Variants in NPEPPS observed in about 807,000 individuals in gnomAD.
The protein encoded by NPEPPS is puromycin-sensitive aminopeptidase.
Under a neutral mutation model 115.5 loss-of-function variants are expected in NPEPPS, and 14 were observed. The observed-to-expected ratio is 0.12, with a 90% CI of 0.08 to 0.19. NPEPPS has a LOEUF of 0.19. Among genes scored for constraint, NPEPPS ranks in the 10% least tolerant of loss-of-function variants. NPEPPS has a pLI of 1.00. For missense variants in NPEPPS, 523 were observed against 1,110.8 expected, an observed-to-expected ratio of 0.47 and a Z score of 7.52; for synonymous variants, 285 against 390.6, an observed-to-expected ratio of 0.73 and a Z score of 3.19.
intron 2 of NPEPPS, among the ~76,000 whole-genome samples, chr17:47,553,739 T>C (rs916869217): frequency 2.6e-5 from 4 of 151,926 alleles, no homozygotes; most frequent in African/African-American, 4.8e-5. Flanking sequence ...GTTACATGAA[T>C]GTTGTGTGCG....
chr17:47,598,347 G>A (rs1044272684), intron 13 of NPEPPS, among the ~76,000 whole-genome samples: 1 of 152,140 alleles, frequency 6.6e-6, no homozygotes, highest in Non-Finnish European at 1.5e-5. Flanking sequence ...GGTGGCACGT[G>A]CCTATAGTCC....
At chr17:47,539,512 CTG>C (rs1226524827) in intron 1 of NPEPPS, among the ~76,000 whole-genome samples, 1 of 126,754 alleles carries the variant, frequency 7.9e-6, no homozygotes, top group Non-Finnish European at 1.7e-5. Context: ...TTTCATCAGA[CTG>C]TGCATGCTTT....
chr17:47,541,515 T>C (rs1908764015), intron 1 of NPEPPS, among the ~76,000 whole-genome samples: 1 of 152,142 alleles, frequency 6.6e-6, no homozygotes, highest in Admixed American at 6.6e-5. Flanking sequence ...TAGCTGGGAT[T>C]ACAGGCGCCT....
chr17:47,568,468 G>A (rs1910977217), intron 2 of NPEPPS, among the ~76,000 whole-genome samples: 2 of 152,066 alleles, frequency 1.3e-5, no homozygotes, highest in South Asian at 4.1e-4. Flanking sequence ...ACCGTGTCCG[G>A]CCTGATTGGC....
chr17:47,577,997 G>C (rs1911627178), intron 3 of NPEPPS, among the ~76,000 whole-genome samples: 1 of 152,148 alleles, frequency 6.6e-6, no homozygotes, highest in South Asian at 2.1e-4. Context: ...CTTGAGGCCA[G>C]GAGTTTAAGA....
intron 1 of NPEPPS, among the ~76,000 whole-genome samples, chr17:47,532,114 G>T (rs913764562): frequency 6.6e-6 from 1 of 152,074 alleles, no homozygotes. Context: ...GAACGAGAAT[G>T]TTAATCCCAG....
intron 2 of NPEPPS, among the ~76,000 whole-genome samples, chr17:47,555,981 CT>C (rs886460288): frequency 0.045 from 2,863 of 63,030 alleles, 63 homozygotes; most frequent in African/African-American, 0.12. Context: ...TTCTGTTTTA[CT>C]TTTTTTTTTT....
chr17:47,565,634 A>G (rs1161618194), intron 2 of NPEPPS, among the ~76,000 whole-genome samples: 2 of 151,832 alleles, frequency 1.3e-5, no homozygotes, highest in African/African-American at 2.4e-5. Context: ...AGCCTGGGCA[A>G]CATGGTGAAA....
chr17:47,542,852 C>G (rs913197739), intron 1 of NPEPPS, among the ~76,000 whole-genome samples: 5 of 152,034 alleles, frequency 3.3e-5, no homozygotes, highest in Admixed American at 3.3e-4. Context: ...GAAAAATGCA[C>G]AAGAGGCCAG....
chr17:47,569,526 A>T, intron 3 of NPEPPS, 32 bp downstream of exon 3: 1 of 985,056 alleles, frequency 1.0e-6, no homozygotes, highest in South Asian at 1.4e-5. Flanking sequence ...AAATCTCGTG[A>T]TGAATATAGT....
rs770523437 is a variant in NPEPPS at position 47,619,070 on chromosome 17, A to T, written c.2465A>T (p.His822Leu). 6.2e-7 allele frequency: 1 copy of T among 1,613,980 alleles called. No homozygotes were observed. The highest frequency in any genetic ancestry group is 1.3e-5 in the African/African-American group (1 of 75,044). ...GGTGGAGTAGCTGGAGGCAGCAAGC[A>T]TGGTAGGAAAGCTGCTTGGAAATTC... ...VIGGVAGGSK[H>L]GRKAAWKFIK... Residue 822 changes from histidine (H) to leucine (L), a missense_variant, in exon 21 of 23, where the codon CAT becomes CTT. This residue lies in a region of NPEPPS where 372 missense variants were observed against 542.6 expected (regional missense o/e 0.69). Transcript: ENST00000322157.
intron 19 of NPEPPS, among the ~76,000 whole-genome samples, chr17:47,617,028 T>G (rs1327528816): frequency 6.6e-6 from 1 of 152,132 alleles, no homozygotes; most frequent in Non-Finnish European, 1.5e-5. Flanking sequence ...TTTTAAGAAT[T>G]ACAACATTTT....
At chr17:47,539,489 C>T (rs1215655693) in intron 1 of NPEPPS, among the ~76,000 whole-genome samples, 3 of 150,780 alleles carry the variant, frequency 2.0e-5, no homozygotes, top group South Asian at 2.1e-4. Context: ...CAGATGTTAA[C>T]GTTTTGCCCC....
chr17:47,561,138 T>C (rs1910396859), intron 2 of NPEPPS, among the ~76,000 whole-genome samples: 1 of 152,188 alleles, frequency 6.6e-6, no homozygotes, highest in South Asian at 2.1e-4. Flanking sequence ...TCAATCTTTT[T>C]TTAATGTGGC....
At chr17:47,538,721 G>T (rs1908527057) in intron 1 of NPEPPS, among the ~76,000 whole-genome samples, 1 of 150,864 alleles carries the variant, frequency 6.6e-6, no homozygotes, top group Non-Finnish European at 1.5e-5. Context: ...GTAGAGAAGG[G>T]GTTTCACCAT....
Position 47,612,696 on chromosome 17 carries a change from C to T in NPEPPS, c.2238+94C>T, listed in dbSNP as rs543547412. 914 of 1,260,944 alleles carry T rather than the reference C, an allele frequency of 7.2e-4. 1 individual carries two copies. The highest frequency in any genetic ancestry group is 9.0e-4 in the Non-Finnish European group (824 of 913,320). 78.1% of individuals were successfully genotyped at this position (1,260,944 alleles called of 1,614,324 possible). A position where few individuals can be genotyped will look rare whatever the true frequency, so the allele number is the denominator to read the frequency against. On this transcript the variant is annotated intron_variant, in intron 18 of 22. Transcript: ENST00000322157. ...TTTTTTTTTTTGAGACAGAGTCTTGCTCTGTCGCCCAGGCTGGAGTGCAGT... is the reference window on the plus strand; with the variant it reads ...TTTTTTTTTTTGAGACAGAGTCTTGTTCTGTCGCCCAGGCTGGAGTGCAGT...
chr17:47,564,822 G>T (rs1353730388), intron 2 of NPEPPS, among the ~76,000 whole-genome samples: 1 of 151,808 alleles, frequency 6.6e-6, no homozygotes, highest in Non-Finnish European at 1.5e-5. Flanking sequence ...CTTCTAAGAG[G>T]TTTGAGATAG....
Position 47,544,711 on chromosome 17 carries a change from CT to C in NPEPPS, c.256-1178del, listed in dbSNP as rs938067387. Among the ~76,000 whole-genome samples, 985 of 114,214 alleles carry C rather than the reference CT, an allele frequency of 8.6e-3. 5 individuals are homozygous for C. Among genetic ancestry groups the C allele is most frequent in the African/African-American group, 0.014 (412 of 30,452 alleles). The allele number at this position is 114,214 out of a possible 152,430, so 74.9% of individuals were successfully genotyped here. On this transcript the variant is annotated intron_variant, in intron 1 of 22. Transcript: ENST00000322157. ...ACCTTGCCTGGCTGATTTTTGTATTCTTTTTTTTTTTTTTTTTTTTGAGACG... is the reference window on the plus strand; with the variant it reads ...ACCTTGCCTGGCTGATTTTTGTATTCTTTTTTTTTTTTTTTTTTTGAGACG...
intron 2 of NPEPPS, among the ~76,000 whole-genome samples, 151 bp downstream of exon 2, chr17:47,546,144 C>G (rs921882435): frequency 2.0e-5 from 3 of 151,024 alleles, no homozygotes; most frequent in African/African-American, 4.9e-5. Context: ...TGGGTAAATT[C>G]AGCTGGGTGA....
Sources: allele counts gnomAD v4.1 joint callset (sites outside exome capture counted in the v4.1 genomes callset), GRCh38; gene constraint gnomAD v4.1.1; regional missense constraint gnomAD v4.1.1; transcripts MANE v1.5; gene names NCBI Gene and HGNC (gene_info 2026-07-23, HGNC 2026-07-21).